Variants in CALCR observed in about 807,000 individuals in gnomAD.
CALCR encodes calcitonin receptor.
In CALCR, 47 loss-of-function variants were observed where a neutral mutation model predicts 59.5. That is an observed-to-expected ratio of 0.79 (90% confidence interval 0.63 to 1.01). The LOEUF is 1.01. Among genes scored for constraint, CALCR ranks in the 50% least tolerant of loss-of-function variants. The probability of loss-of-function intolerance (pLI) is 0.00; values close to 1 mark genes in which losing one functional copy is unlikely to be tolerated. For missense variants in CALCR, 566 were observed against 597.1 expected, an observed-to-expected ratio of 0.95 and a Z score of 0.54; for synonymous variants, 213 against 211.3, an observed-to-expected ratio of 1.01 and a Z score of -0.07.
chr7:93,460,561 AAAAAAAAAAAAAT>A (rs1800297117), intron 8 of CALCR, among the ~76,000 whole-genome samples: 1 of 95,712 alleles, frequency 1.0e-5, no homozygotes, highest in African/African-American at 5.3e-5. Context: ...ATCTAAAAAA[AAAAAAAAAAAAAT>A]ATATATATAT....
intron 7 of CALCR, among the ~76,000 whole-genome samples, chr7:93,461,539 A>G (rs1800337180): frequency 6.6e-6 from 1 of 152,064 alleles, no homozygotes; most frequent in South Asian, 2.1e-4. Context: ...AACCCTCCTG[A>G]TGGTGGAGCT....
intron 2 of CALCR, among the ~76,000 whole-genome samples, chr7:93,538,566 T>C (rs1789050771): frequency 2.0e-5 from 3 of 152,066 alleles, no homozygotes; most frequent in South Asian, 4.1e-4. Flanking sequence ...TGTTTCTCAA[T>C]CTTTAAAATA....
intron 7 of CALCR, among the ~76,000 whole-genome samples, chr7:93,462,346 T>G (rs910697930): frequency 6.6e-6 from 1 of 152,132 alleles, no homozygotes; most frequent in African/African-American, 2.4e-5. Flanking sequence ...TTCTGTGGAC[T>G]ACTCTATTCA....
intron 2 of CALCR, among the ~76,000 whole-genome samples, chr7:93,566,867 A>G (rs556663134): frequency 4.9e-4 from 74 of 152,314 alleles, no homozygotes; most frequent in African/African-American, 1.8e-3. Context: ...AAAATCAGCT[A>G]TTCAAACAAT....
chr7:93,456,380 C>T (rs766112796), intron 8 of CALCR, among the ~76,000 whole-genome samples: 5 of 151,676 alleles, frequency 3.3e-5, no homozygotes, highest in Non-Finnish European at 4.4e-5. Flanking sequence ...GGAAATGGGC[C>T]CTTTTAGGCA....
chr7:93,529,027 T>A (rs931606385), intron 2 of CALCR, among the ~76,000 whole-genome samples: 3 of 152,230 alleles, frequency 2.0e-5, no homozygotes, highest in African/African-American at 7.2e-5. Flanking sequence ...GCATATTGCA[T>A]GCATTCGTGC....
intron 2 of CALCR, among the ~76,000 whole-genome samples, chr7:93,516,642 A>C (rs949114399): frequency 3.3e-5 from 5 of 151,910 alleles, no homozygotes; most frequent in Non-Finnish European, 5.9e-5. Context: ...AAGAATAAAT[A>C]CATGCATGTC....
intron 2 of CALCR, among the ~76,000 whole-genome samples, chr7:93,513,514 A>G (rs762859266): frequency 3.3e-5 from 5 of 152,042 alleles, no homozygotes; most frequent in Admixed American, 1.3e-4. Flanking sequence ...TTCTGTATGT[A>G]TTATAAAATG....
chr7:93,492,578 T>C (rs761022769), intron 2 of CALCR, among the ~76,000 whole-genome samples: 22 of 151,422 alleles, frequency 1.5e-4, no homozygotes, highest in Non-Finnish European at 2.4e-4. Flanking sequence ...ATTAGAAGCA[T>C]ACACGCACAC....
intron 8 of CALCR, among the ~76,000 whole-genome samples, chr7:93,452,934 T>C (rs1366387182): frequency 2.0e-5 from 3 of 152,060 alleles, no homozygotes; most frequent in Non-Finnish European, 4.4e-5. Context: ...GAGAGTCTTA[T>C]ATCACTCTTC....
At chr7:93,454,591 A>G (rs1800170463) in intron 8 of CALCR, among the ~76,000 whole-genome samples, 2 of 151,024 alleles carry the variant, frequency 1.3e-5, no homozygotes, top group South Asian at 4.2e-4. Context: ...TTCTACATGA[A>G]GCTCATCGAA....
chr7:93,497,051 G>A (rs930845072), intron 2 of CALCR, among the ~76,000 whole-genome samples: 1 of 151,470 alleles, frequency 6.6e-6, no homozygotes, highest in African/African-American at 2.4e-5. Flanking sequence ...CTCTCCTCAT[G>A]AGTTTAAAAT....
rs554982529 is a variant in CALCR at position 93,516,641 on chromosome 7, T to A, written c.-26-29634A>T. Among the ~76,000 whole-genome samples, 23 of 151,850 alleles carry A rather than the reference T, an allele frequency of 1.5e-4. 1 individual carries two copies. Among genetic ancestry groups the A allele is most frequent in the African/African-American group, 5.3e-4 (22 of 41,484 alleles). On this transcript the variant is annotated intron_variant, in intron 2 of 13. Transcript: ENST00000426151. ...CCAGTAGAACCCTTCAAAGAATAAA[T>A]ACATGCATGTCAAAGAGAGTCGAGA...
At chr7:93,569,533 T>C (rs924535143) in intron 2 of CALCR, among the ~76,000 whole-genome samples, 15 of 152,148 alleles carry the variant, frequency 9.9e-5, no homozygotes, top group Non-Finnish European at 1.5e-4. Flanking sequence ...CCTAGAAAAT[T>C]TCCCTGATGT....
intron 2 of CALCR, among the ~76,000 whole-genome samples, chr7:93,541,669 A>G (rs1789143562): frequency 6.6e-6 from 1 of 152,194 alleles, no homozygotes; most frequent in Admixed American, 6.5e-5. Flanking sequence ...CAAGATTGTG[A>G]CTTATGTGCT....
At chr7:93,516,179 T>C (rs567486209) in intron 2 of CALCR, among the ~76,000 whole-genome samples, 1 of 152,080 alleles carries the variant, frequency 6.6e-6, no homozygotes, top group East Asian at 1.9e-4. Flanking sequence ...CTGTTACACA[T>C]ATAAAATGGT....
intron 4 of CALCR, among the ~76,000 whole-genome samples, chr7:93,478,374 T>C (rs1800716135): frequency 6.6e-6 from 1 of 151,768 alleles, no homozygotes. Flanking sequence ...ATTTTACCAT[T>C]TTTTTCCCTA....
chr7:93,476,603 T>A (rs894236391), intron 5 of CALCR, among the ~76,000 whole-genome samples: 11 of 151,874 alleles, frequency 7.2e-5, no homozygotes, highest in Non-Finnish European at 1.5e-4. Context: ...CTGATTTTTT[T>A]ATCAAAACCT....
At chr7:93,543,887 G>A (rs1388153903) in intron 2 of CALCR, among the ~76,000 whole-genome samples, 1 of 151,782 alleles carries the variant, frequency 6.6e-6, no homozygotes, top group Non-Finnish European at 1.5e-5. Flanking sequence ...ACTGGCCTCA[G>A]TAATTATTAC....
Sources: allele counts gnomAD v4.1 joint callset (sites outside exome capture counted in the v4.1 genomes callset), GRCh38; gene constraint gnomAD v4.1.1; transcripts MANE v1.5; gene names NCBI Gene and HGNC (gene_info 2026-07-23, HGNC 2026-07-21).